FAM193A: variants seen among roughly 807,000 people sequenced by gnomAD.
The protein encoded by FAM193A is protein FAM193A.
A neutral mutation model predicts 126.5 loss-of-function variants in FAM193A; 22 were observed. The ratio of observed to expected loss-of-function variants is 0.17; its 90% CI spans 0.12 to 0.25. FAM193A has a LOEUF of 0.25. FAM193A is among the 10% of genes least tolerant of loss of function. The pLI is 1.00. For missense variants in FAM193A, 1,675 were observed against 1,672.8 expected, an observed-to-expected ratio of 1.00 and a Z score of -0.02; for synonymous variants, 761 against 646.8, an observed-to-expected ratio of 1.18 and a Z score of -2.68.
intron 18 of FAM193A, among the ~76,000 whole-genome samples, chr4:2,698,784 A>T (rs886118397): frequency 1.3e-5 from 2 of 152,202 alleles, no homozygotes; most frequent in Admixed American, 6.5e-5. Flanking sequence ...TGTGTGCATC[A>T]CTACTCAAAT....
chr4:2,627,267 T>TG (rs1449475455), intron 4 of FAM193A, among the ~76,000 whole-genome samples: 1 of 151,730 alleles, frequency 6.6e-6, no homozygotes, highest in Non-Finnish European at 1.5e-5. Context: ...TTCAAGCTGT[T>TG]CTTATGTCTC....
At chr4:2,542,489 G>T (rs949988128) in intron 1 of FAM193A, among the ~76,000 whole-genome samples, 1 of 152,190 alleles carries the variant, frequency 6.6e-6, no homozygotes, top group Non-Finnish European at 1.5e-5. Context: ...AAGTTTCTTT[G>T]TAAGTATTTT....
At chr4:2,627,060 A>T (rs1475924391) in intron 4 of FAM193A, among the ~76,000 whole-genome samples, 1 of 151,936 alleles carries the variant, frequency 6.6e-6, no homozygotes, top group East Asian at 1.9e-4. Context: ...GCTGTTTCTC[A>T]TGATGCCGCA....
At chr4:2,664,154 A>G (rs1435791125) in intron 12 of FAM193A, among the ~76,000 whole-genome samples, 1 of 152,136 alleles carries the variant, frequency 6.6e-6, no homozygotes, top group Non-Finnish European at 1.5e-5. Context: ...TCTACGTATA[A>G]TGTTTTTGAT....
intron 1 of FAM193A, among the ~76,000 whole-genome samples, chr4:2,540,340 C>CG (rs1347180047): frequency 2.6e-5 from 4 of 151,674 alleles, no homozygotes; most frequent in Admixed American, 1.3e-4. Context: ...TGGTGGCGGG[C>CG]ACCTGTAGTC....
chr4:2,672,413 T>G, intron 13 of FAM193A, 41 bp downstream of exon 13: 1 of 1,608,470 alleles, frequency 6.2e-7, no homozygotes, highest in Non-Finnish European at 8.5e-7. Flanking sequence ...CACTCTTCAC[T>G]GAGATCCTAC....
At chr4:2,561,435 G>A (rs1227889171) in intron 1 of FAM193A, among the ~76,000 whole-genome samples, 1 of 150,118 alleles carries the variant, frequency 6.7e-6, no homozygotes, top group Non-Finnish European at 1.5e-5. Flanking sequence ...GGCCCGCCTT[G>A]ATCTCCCAAA....
At chr4:2,538,717 C>G (rs1289829971) in intron 1 of FAM193A, among the ~76,000 whole-genome samples, 1 of 151,886 alleles carries the variant, frequency 6.6e-6, no homozygotes, top group Non-Finnish European at 1.5e-5. Context: ...TATCCTTACA[C>G]AAAATATTGA....
chr4:2,708,490 T>C (rs1361947975), intron 19 of FAM193A, among the ~76,000 whole-genome samples: 1 of 151,984 alleles, frequency 6.6e-6, no homozygotes, highest in African/African-American at 2.4e-5. Flanking sequence ...GAGATGGAGT[T>C]TCATTCTTGT....
At chr4:2,611,367 C>T (rs1412509856) in intron 2 of FAM193A, among the ~76,000 whole-genome samples, 1 of 152,134 alleles carries the variant, frequency 6.6e-6, no homozygotes, top group Non-Finnish European at 1.5e-5. Context: ...CTCCCAGGTT[C>T]AAGCAGTTCT....
At chr4:2,541,445 A>G (rs976641099) in intron 1 of FAM193A, among the ~76,000 whole-genome samples, 1 of 147,482 alleles carries the variant, frequency 6.8e-6, no homozygotes, top group Non-Finnish European at 1.5e-5. Flanking sequence ...TTCATTGTGT[A>G]CTTTTTTTTT....
chr4:2,696,767 G>C (rs1717087474), intron 18 of FAM193A, among the ~76,000 whole-genome samples, 174 bp downstream of exon 18: 1 of 152,204 alleles, frequency 6.6e-6, no homozygotes, highest in African/African-American at 2.4e-5. Context: ...CTGAACTGGA[G>C]ACTGGTAAAA....
Position 2,603,183 on chromosome 4 carries a change from C to T in FAM193A, c.501+6854C>T, listed in dbSNP as rs904608081. Among the ~76,000 whole-genome samples the T allele has an allele frequency of 2.4e-4, 36 of 149,150 alleles. 1 individual carries two copies. In the South Asian group the frequency reaches 2.7e-3, roughly 11 times the overall value. On this transcript the variant is annotated intron_variant, in intron 2 of 20. Coordinates refer to ENST00000637812, the MANE Select transcript of FAM193A (RefSeq NM_001366318.2). ...ATATATATATATTTTTTAGTAGAGA[C>T]GGGGTTTCACCGTGTTAGCCAGGAT...
intron 16 of FAM193A, among the ~76,000 whole-genome samples, chr4:2,694,639 C>G (rs527365042): frequency 2.0e-5 from 3 of 152,112 alleles, no homozygotes; most frequent in Non-Finnish European, 4.4e-5. Flanking sequence ...TTTCGAAGCC[C>G]CTTAGTATGG....
chr4:2,557,366 A>G (rs111457091), intron 1 of FAM193A, among the ~76,000 whole-genome samples: 19 of 152,280 alleles, frequency 1.2e-4, no homozygotes, highest in African/African-American at 4.3e-4. Flanking sequence ...AGCTCTCCCT[A>G]ATATGGATAT....
intron 2 of FAM193A, among the ~76,000 whole-genome samples, chr4:2,616,054 G>C (rs1271731865): frequency 2.0e-5 from 3 of 152,166 alleles, no homozygotes; most frequent in Non-Finnish European, 4.4e-5. Flanking sequence ...GCCCGCCTCA[G>C]CCTCCCAAAG....
chr4:2,537,524 G>T (rs1055606999), intron 1 of FAM193A, among the ~76,000 whole-genome samples: 4 of 152,366 alleles, frequency 2.6e-5, no homozygotes, highest in African/African-American at 9.6e-5. Context: ...ACGGCGCTTC[G>T]CCTTCCGCTG....
intron 4 of FAM193A, among the ~76,000 whole-genome samples, chr4:2,627,189 C>G (rs187060581): frequency 6.2e-4 from 79 of 126,804 alleles, no homozygotes; most frequent in African/African-American, 2.3e-3. Flanking sequence ...GAGATGGAGT[C>G]TTGCTCTGTC....
rs1742252208 is a variant in FAM193A at position 2,617,243 on chromosome 4, TATATA to T, written c.502-8018_502-8014del. Among the ~76,000 whole-genome samples, 3 of 43,244 alleles carry T rather than the reference TATATA, an allele frequency of 6.9e-5. 1 individual carries two copies. Among genetic ancestry groups the T allele is most frequent in the African/African-American group, 4.7e-4 (2 of 4,268 alleles). 28.4% of individuals were successfully genotyped at this position (43,244 alleles called of 152,430 possible). On this transcript the variant is annotated intron_variant, in intron 2 of 20. Coordinates refer to ENST00000637812, the MANE Select transcript of FAM193A (RefSeq NM_001366318.2). ...ATTGGTCAGAAGTATGTTTTTATTA[TATATA>T]TATATATATATATATTTTTTTTTTT...
Sources: allele counts gnomAD v4.1 joint callset (sites outside exome capture counted in the v4.1 genomes callset), GRCh38; gene constraint gnomAD v4.1.1; transcripts MANE v1.5; gene names NCBI Gene and HGNC (gene_info 2026-07-23, HGNC 2026-07-21).